The following CYP4F12 variants were observed in gnomAD, a reference collection of about 807,000 sequenced individuals.
CYP4F12 encodes the protein cytochrome P450 family 4 subfamily F member 12.
Under a neutral mutation model 56.5 loss-of-function variants are expected in CYP4F12, and 60 were observed. The observed-to-expected ratio is 1.06, with a 90% confidence interval of 0.86 to 1.32. The LOEUF is 1.32. Ranked by LOEUF, CYP4F12 falls within the 40% of genes most tolerant of loss-of-function variation. The probability of loss-of-function intolerance (pLI) is 0.00; values close to 1 mark genes in which losing one functional copy is unlikely to be tolerated. For missense variants in CYP4F12, 711 were observed against 683.5 expected (o/e 1.04, Z -0.45); for synonymous variants, 263 against 264.9 (o/e 0.99, Z 0.07).
At chr19:15,675,429 C>T (rs62104459) in intron 2 of CYP4F12, among the ~76,000 whole-genome samples, 140,943 of 152,016 alleles carry the variant, frequency 0.93, 65,398 homozygotes, top group East Asian at 1. Flanking sequence ...GCCCTCAGGA[C>T]GCAGGCCCTT....
intron 9 of CYP4F12, among the ~76,000 whole-genome samples, chr19:15,695,504 A>C (rs1483937351): frequency 2.0e-5 from 1 of 50,176 alleles, no homozygotes; most frequent in African/African-American, 1.3e-4. Flanking sequence ...TAATAATAAT[A>C]AAAAAAAAAA....
chr19:15,694,739 A>G (rs949170334), intron 9 of CYP4F12, among the ~76,000 whole-genome samples: 84 of 152,330 alleles, frequency 5.5e-4, no homozygotes, highest in African/African-American at 1.9e-3. Flanking sequence ...CAGCCAAAAA[A>G]CACATGAAAA....
chr19:15,685,501 T>C (rs2007557140), intron 9 of CYP4F12, among the ~76,000 whole-genome samples: 1 of 152,216 alleles, frequency 6.6e-6, no homozygotes, highest in African/African-American at 2.4e-5. Context: ...CCCAGAAATA[T>C]CAGTTTTTTC....
Position 15,684,756 on chromosome 19 carries a change from T to TTGTGTGTGTGTGTG in CYP4F12, c.919-30_919-17dup, listed in dbSNP as rs3063212. On this transcript the variant is annotated intron_variant, in intron 7 of 12. Coordinates refer to ENST00000550308, the MANE Select transcript of CYP4F12 (RefSeq NM_023944.4). Reference sequence around the variant, plus strand: ...TCCGGAGTCTCAGAGATAGTATAATTTGTGTGTGTGTGTGTGTGTGTGTGT... The same window carrying TTGTGTGTGTGTGTG: ...TCCGGAGTCTCAGAGATAGTATAATTTGTGTGTGTGTGTGTGTGTGTGTGTGTGTGTGTGTGTGT... The TTGTGTGTGTGTGTG allele has an allele frequency of 8.9e-4, 930 of 1,044,436 alleles. 2 individuals carry two copies. The African/African-American group carries it at 0.011, about 13-fold the overall frequency. The allele number at this position is 1,044,436 out of a possible 1,614,324, so 64.7% of individuals were successfully genotyped here.
chr19:15,686,091 C>A (rs1415473284), intron 9 of CYP4F12, among the ~76,000 whole-genome samples: 1 of 152,198 alleles, frequency 6.6e-6, no homozygotes, highest in Non-Finnish European at 1.5e-5. Context: ...AAGACATTCC[C>A]AGTCCACATA....
Position 15,684,873 on chromosome 19 carries a change from A to C in CYP4F12, c.976A>C (p.Met326Leu). 1 of 1,606,276 alleles carries C rather than the reference A, an allele frequency of 6.2e-7. No homozygotes were observed. The highest frequency in any genetic ancestry group is 8.5e-7 in the Non-Finnish European group (1 of 1,175,964). ...TATAAGAGCAGAGGCTGACACCTTC[A>C]TGTTTGGAGGTGAGGGTCCCAGTGT... is the stretch of plus-strand genomic sequence containing the variant. The part of the protein sequence containing the change: ...EDIRAEADTF[M>L]FGGHDTTASG... Residue 326 changes from methionine to leucine, a missense_variant, in exon 8 of 13, where the codon ATG (methionine) becomes CTG (leucine). Coordinates refer to ENST00000550308, the MANE Select transcript of CYP4F12 (RefSeq NM_023944.4).
At chr19:15,677,117 T>A (rs1351408906) in intron 2 of CYP4F12, among the ~76,000 whole-genome samples, 15 of 108,922 alleles carry the variant, frequency 1.4e-4, no homozygotes, top group African/African-American at 1.3e-4. Context: ...CTCTGCTCAC[T>A]CACTCATTCA....
intron 2 of CYP4F12, among the ~76,000 whole-genome samples, chr19:15,677,050 C>T (rs62640399): frequency 0.9 from 52,846 of 58,724 alleles, 23,925 homozygotes; most frequent in East Asian, 0.99. Flanking sequence ...CTCATTCCTC[C>T]CCTCATTCAG....
intron 6 of CYP4F12, among the ~76,000 whole-genome samples, chr19:15,683,186 C>T (rs1301572184): frequency 1.3e-5 from 2 of 151,924 alleles, no homozygotes; most frequent in African/African-American, 4.8e-5. Context: ...GTTGTGTGGA[C>T]AGTTTTGGTA....
In CYP4F12 at chr19:15,682,317, T is replaced by C. The variant is rs537991855; in HGVS notation, c.526-72T>C. On this transcript the variant is annotated intron_variant, in intron 5 of 12. Transcript: ENST00000550308. The stretch of plus-strand genomic sequence containing the variant: ...AGGCTGGTTGTGGGGGAGTCCATCC[T>C]GATGTTTGGGACTGGGGAGGGGCAC... 5 of 1,585,098 alleles carry C rather than the reference T, an allele frequency of 3.2e-6. No homozygotes were observed. The South Asian group carries it at 4.5e-5, about 14-fold the overall frequency.
Position 15,673,648 on chromosome 19 carries a change from C to T in CYP4F12, c.119C>T (p.Ala40Val), listed in dbSNP as rs2006737405. The change falls in exon 2 of 13, where the codon GCC (alanine) becomes GTC (valine). Residue 40 changes from alanine (A) to valine (V), a missense_variant. Ala to Val is a moderately conservative substitution (Grantham distance 64, BLOSUM62 0). Coordinates refer to ENST00000550308, the MANE Select transcript of CYP4F12 (RefSeq NM_023944.4). ...LLARILAWTYAFYNNCRRLQC... is the reference protein window; with the variant it reads ...LLARILAWTYVFYNNCRRLQC... ...GCCCGCATCCTGGCTTGGACCTATGCCTTCTATAACAACTGCCGCCGGCTC... is the reference window on the plus strand; with the variant it reads ...GCCCGCATCCTGGCTTGGACCTATGTCTTCTATAACAACTGCCGCCGGCTC... 2 of 1,614,158 alleles carry T rather than the reference C, an allele frequency of 1.2e-6. No individual in the cohort carries two copies. Among genetic ancestry groups the T allele is most frequent in the South Asian group, 1.1e-5 (1 of 91,084 alleles).
intron 9 of CYP4F12, among the ~76,000 whole-genome samples, chr19:15,692,349 TAC>T (rs1445368036): frequency 1.3e-5 from 2 of 152,106 alleles, no homozygotes; most frequent in African/African-American, 4.8e-5. Flanking sequence ...TATAATGAAA[TAC>T]AGAGATTTCA....
chr19:15,673,694 A>T lies in CYP4F12; in HGVS notation c.165A>T (p.Pro55=), dbSNP rs776296682. ...CRRLQCFPQP[P]KRNWFWGHLG... is the part of the protein sequence containing the mutation. ...GGCTCCAGTGTTTCCCACAGCCCCCAAAACGGAACTGGTTTTGGGGTCACC... is the reference window on the plus strand; with the variant it reads ...GGCTCCAGTGTTTCCCACAGCCCCCTAAACGGAACTGGTTTTGGGGTCACC... Residue 55 remains proline (P), a synonymous_variant, in exon 2 of 13, where the codon CCA becomes CCT. Transcript: ENST00000550308. The T allele has an allele frequency of 3.7e-6, 6 of 1,613,932 alleles. No individual in the cohort carries two copies. The Admixed American group carries it at 1.0e-4, about 27-fold the overall frequency.
chr19:15,681,668 T>C (rs979811211), intron 5 of CYP4F12: 2 of 152,362 alleles, frequency 1.3e-5, no homozygotes, highest in African/African-American at 4.8e-5. Flanking sequence ...GGAGGAGTCA[T>C]TGCCTTATCT....
chr19:15,693,258 T>C (rs185432965), intron 9 of CYP4F12, among the ~76,000 whole-genome samples: 46 of 152,330 alleles, frequency 3.0e-4, no homozygotes, highest in African/African-American at 1.1e-3. Flanking sequence ...AGTTTTCAAA[T>C]TCTGAACCAG....
chr19:15,691,461 C>T (rs2007863542), intron 9 of CYP4F12, among the ~76,000 whole-genome samples: 1 of 152,130 alleles, frequency 6.6e-6, no homozygotes, highest in Non-Finnish European at 1.5e-5. Flanking sequence ...CACTAGCTTT[C>T]CCACAAATTT....
intron 2 of CYP4F12, 118 bp downstream of exon 2, chr19:15,673,845 G>A (rs370351832): frequency 8.8e-7 from 1 of 1,138,430 alleles, no homozygotes; most frequent in Admixed American, 2.4e-5. Context: ...CCCCAGAGAA[G>A]CAAGAGAGAT....
At chr19:15,679,832 C>T (rs901073870) in intron 3 of CYP4F12, among the ~76,000 whole-genome samples, 2 of 152,162 alleles carry the variant, frequency 1.3e-5, no homozygotes, top group Non-Finnish European at 2.9e-5. Context: ...ACATTTAAAC[C>T]CTATCTGGGG....
intron 3 of CYP4F12, among the ~76,000 whole-genome samples, chr19:15,679,869 T>C (rs1031421646): frequency 1.3e-5 from 2 of 152,230 alleles, no homozygotes; most frequent in African/African-American, 4.8e-5. Flanking sequence ...ACAGAGGTCA[T>C]GTCAGACTAT....
Sources: gnomAD v4.1 joint callset for allele counts (sites outside exome capture counted in the v4.1 genomes callset) on GRCh38, gnomAD v4.1.1 for gene constraint, MANE v1.5 for transcripts, NCBI Gene and HGNC (gene_info 2026-07-23, HGNC 2026-07-21) for gene names.